The following LRBA variants were observed in gnomAD, a reference collection of about 807,000 sequenced individuals.
The protein encoded by LRBA is lipopolysaccharide-responsive and beige-like anchor protein.
Under a neutral mutation model 330.0 loss-of-function variants are expected in LRBA, and 176 were observed. The ratio of observed to expected loss-of-function variants is 0.53; its 90% CI spans 0.47 to 0.60. The LOEUF (loss-of-function observed/expected upper bound fraction) is 0.60, where lower values mean the gene tolerates loss of function less well. LRBA is among the 20% of genes least tolerant of loss of function. The pLI is 0.00. For missense variants in LRBA, 3,259 were observed against 3,444.8 expected (o/e 0.95, Z 1.35); for synonymous variants, 1,230 against 1,193.0 (o/e 1.03, Z -0.64).
At chr4:150,322,566 T>C (rs1055456542) in intron 49 of LRBA, among the ~76,000 whole-genome samples, 5 of 152,212 alleles carry the variant, frequency 3.3e-5, no homozygotes, top group Admixed American at 3.3e-4. Context: ...GAACTGGTAA[T>C]AAAAAATTAA....
In LRBA at chr4:150,697,325, GAAAAAAAAAAA is replaced by G. The variant is rs60145657; in HGVS notation, c.5755-13619_5755-13609del. Among the ~76,000 whole-genome samples, 14 of 28,052 alleles carry G rather than the reference GAAAAAAAAAAA, an allele frequency of 5.0e-4. 1 individual carries two copies. Among genetic ancestry groups the G allele is most frequent in the East Asian group, 1.0e-3 (1 of 968 alleles). The allele number at this position is 28,052 out of a possible 152,430, so 18.4% of individuals were successfully genotyped here. A position where few individuals can be genotyped will look rare whatever the true frequency, so the allele number is the denominator to read the frequency against. On this transcript the variant is annotated intron_variant, in intron 36 of 56. Coordinates refer to ENST00000651943, the MANE Select transcript of LRBA (RefSeq NM_001364905.1). ...GGTGACAGAGTGAGACTTTGTCTCA[GAAAAAAAAAAA>G]AAAAAAAAAAAAAAACAGGGAGAGT...
intron 30 of LRBA, among the ~76,000 whole-genome samples, chr4:150,823,978 G>A (rs1745852516): frequency 6.6e-6 from 1 of 152,102 alleles, no homozygotes; most frequent in Non-Finnish European, 1.5e-5. Context: ...AATGTCACTG[G>A]TATTTTGATA....
At chr4:150,569,485 T>C (rs1157285804) in intron 40 of LRBA, among the ~76,000 whole-genome samples, 1 of 152,170 alleles carries the variant, frequency 6.6e-6, no homozygotes, top group South Asian at 2.1e-4. Flanking sequence ...TCAGCTTGCG[T>C]AAGTCACAAC....
rs1027955688 is a variant in LRBA, at chr4:150,437,007, T to C, written c.6781-143A>G. ...ACTTAAGCTGCAACACAGTATCATA[T>C]TGGGAGTAAAAAGCAATATTTTTTC... On this transcript the variant is annotated intron_variant, in intron 44 of 56. Transcript: ENST00000651943. The C allele has an allele frequency of 1.8e-5, 13 of 734,992 alleles. No homozygotes were observed. In the African/African-American group the frequency reaches 2.3e-4, roughly 13 times the overall value. The allele number at this position is 734,992 out of a possible 1,614,324, so 45.5% of individuals were successfully genotyped here.
chr4:150,508,416 GGGACTA>G lies in LRBA; in HGVS notation c.6331-17387_6331-17382del, dbSNP rs368386356. Among the ~76,000 whole-genome samples, 46 of 151,980 alleles carry G rather than the reference GGGACTA, an allele frequency of 3.0e-4. 1 individual carries two copies. In the East Asian group the frequency reaches 5.3e-3, roughly 17 times the overall value. The stretch of plus-strand genomic sequence containing the variant: ...TCCTGCCTCAGCCTCCTGAGTAGCT[GGGACTA>G]GGACTACAGGTGCCCACCACCATGC... On this transcript the variant is annotated intron_variant, in intron 40 of 56. Coordinates refer to ENST00000651943, the MANE Select transcript of LRBA (RefSeq NM_001364905.1).
chr4:150,862,471 T>C (rs567323091), intron 22 of LRBA, among the ~76,000 whole-genome samples: 10 of 151,978 alleles, frequency 6.6e-5, no homozygotes, highest in South Asian at 6.2e-4. Context: ...TAGGTGGGAA[T>C]TGAACAATGA....
At chr4:150,882,736 TATG>T (rs1728533944) in intron 17 of LRBA, among the ~76,000 whole-genome samples, 1 of 152,182 alleles carries the variant, frequency 6.6e-6, no homozygotes, top group South Asian at 2.1e-4. Flanking sequence ...ATATTAAAAA[TATG>T]ATAACAGATC....
At chr4:150,588,705 C>T (rs1391518313) in intron 39 of LRBA, among the ~76,000 whole-genome samples, 1 of 152,262 alleles carries the variant, frequency 6.6e-6, no homozygotes, top group African/African-American at 2.4e-5. Flanking sequence ...TGACACAAAA[C>T]CTCTTCCATA....
At chr4:150,946,356 T>G (rs1736243613) in intron 2 of LRBA, among the ~76,000 whole-genome samples, 2 of 152,132 alleles carry the variant, frequency 1.3e-5, no homozygotes, top group Non-Finnish European at 2.9e-5. Context: ...GGACTAGAGA[T>G]TATATTCTGG....
chr4:150,475,891 C>T (rs1007487805), intron 42 of LRBA, among the ~76,000 whole-genome samples: 1 of 148,552 alleles, frequency 6.7e-6, no homozygotes, highest in East Asian at 2.0e-4. Context: ...GGCAACAGAG[C>T]AAGATCGTGT....
intron 41 of LRBA, among the ~76,000 whole-genome samples, chr4:150,489,265 A>AATATATATTATATATAGGT (rs1337777307): frequency 2.9e-5 from 1 of 34,442 alleles, no homozygotes; most frequent in Non-Finnish European, 5.2e-5. Context: ...TATATATAAG[A>AATATATATTATATATAGGT]ATATATAATA....
intron 40 of LRBA, among the ~76,000 whole-genome samples, chr4:150,559,882 TAATTATATATAATTATATATA>T (rs2152268321): frequency 5.0e-5 from 1 of 19,992 alleles, no homozygotes; most frequent in East Asian, 1.1e-3. Context: ...TAATTATATA[TAATTATATATAATTATATATA>T]ATTATATATA....
intron 40 of LRBA, among the ~76,000 whole-genome samples, chr4:150,513,693 T>C (rs1018526162): frequency 6.6e-6 from 1 of 152,180 alleles, no homozygotes; most frequent in Non-Finnish European, 1.5e-5. Context: ...TCCCCTCACA[T>C]AGTGGAGACA....
intron 17 of LRBA, among the ~76,000 whole-genome samples, chr4:150,880,562 G>T (rs373748258): frequency 6.6e-6 from 1 of 150,884 alleles, no homozygotes; most frequent in African/African-American, 2.4e-5. Flanking sequence ...ATGGATTAAA[G>T]GTTTAAATGT....
intron 40 of LRBA, chr4:150,584,290 A>C: frequency 1.8e-6 from 1 of 563,290 alleles, no homozygotes; most frequent in Non-Finnish European, 2.9e-6. Flanking sequence ...AACCAAAACA[A>C]ATCACATTCT....
chr4:150,667,673 A>G (rs1375995496), intron 37 of LRBA, among the ~76,000 whole-genome samples: 3 of 152,290 alleles, frequency 2.0e-5, no homozygotes, highest in South Asian at 2.1e-4. Flanking sequence ...TAGTGCCCTT[A>G]GAAAAGAGGC....
At chr4:150,559,778 AT>A (rs1401858982) in intron 40 of LRBA, among the ~76,000 whole-genome samples, 2 of 85,982 alleles carry the variant, frequency 2.3e-5, no homozygotes, top group East Asian at 6.1e-4. Context: ...TATATATTAT[AT>A]TATATTATAT....
intron 36 of LRBA, among the ~76,000 whole-genome samples, chr4:150,687,765 C>T (rs909176255): frequency 6.6e-6 from 1 of 151,868 alleles, no homozygotes; most frequent in Non-Finnish European, 1.5e-5. Flanking sequence ...ATAGCTCTAC[C>T]TAATTTTACT....
chr4:150,457,875 AAAT>A lies in LRBA; in HGVS notation c.6780+9795_6780+9797del, dbSNP rs1189375767. 1.1e-4 allele frequency among the ~76,000 whole-genome samples: 16 copies of A among 152,058 alleles called. No individual in the cohort carries two copies. In the East Asian group the frequency reaches 1.2e-3, roughly 11 times the overall value. ...TATGCAAATAAAACAATTCATTTAT[AAAT>A]AATAATAAATAGTCACTCCACATCA... On this transcript the variant is annotated intron_variant, in intron 44 of 56. Transcript: ENST00000651943.
Sources: gnomAD v4.1 joint callset for allele counts (sites outside exome capture counted in the v4.1 genomes callset) on GRCh38, gnomAD v4.1.1 for gene constraint, MANE v1.5 for transcripts, NCBI Gene and HGNC (gene_info 2026-07-23, HGNC 2026-07-21) for gene names.